Variants in SV2C observed in about 807,000 individuals in gnomAD.
SV2C encodes the protein synaptic vesicle glycoprotein 2C, also known as solute carrier family 22 member B3.
A neutral mutation model predicts 79.7 loss-of-function variants in SV2C; 49 were observed. That is an observed-to-expected ratio of 0.61 (90% CI 0.49 to 0.78). The LOEUF is 0.78. Ranked by LOEUF, SV2C falls within the 30% of genes least tolerant of loss-of-function variation. The pLI is 0.00. For synonymous variants in SV2C, 334 were observed against 333.2 expected (o/e 1.00, Z -0.03); for missense variants, 833 against 912.9 (o/e 0.91, Z 1.13).
intron 6 of SV2C, among the ~76,000 whole-genome samples, chr5:76,289,914 G>C (rs963794810): frequency 5.9e-5 from 9 of 152,148 alleles, no homozygotes; most frequent in African/African-American, 1.9e-4. Flanking sequence ...ATCCCCATTA[G>C]AGTACTTTTT....
chr5:76,098,021 T>A (rs780172337), intron 1 of SV2C, among the ~76,000 whole-genome samples: 2 of 152,168 alleles, frequency 1.3e-5, no homozygotes, highest in African/African-American at 4.8e-5. Flanking sequence ...CTGAGTTTTT[T>A]ACTGTGCAGC....
chr5:76,062,286 G>T, the SV2C span, among the ~76,000 whole-genome samples: 1 of 152,086 alleles, frequency 6.6e-6, no homozygotes, highest in East Asian at 1.9e-4. Context: ...ACATCATGAA[G>T]GTAGAGCCCT....
intron 4 of SV2C, among the ~76,000 whole-genome samples, chr5:76,275,952 G>A (rs770150849): frequency 3.7e-4 from 57 of 152,298 alleles, no homozygotes; most frequent in Non-Finnish European, 6.5e-4. Flanking sequence ...AAGACAAAAA[G>A]GTGTGGTGCC....
At chr5:76,255,384 C>T (rs6862529) in intron 4 of SV2C, among the ~76,000 whole-genome samples, 67,079 of 152,028 alleles carry the variant, frequency 0.44, 15,113 homozygotes, top group Middle Eastern at 0.54. Flanking sequence ...AGACCATCTT[C>T]CCATGTCACC....
In SV2C at chr5:76,301,405, G is replaced by A. The variant is rs764934852; in HGVS notation, c.1860G>A (p.Ser620=). Residue 620 remains serine, a synonymous_variant, in exon 12 of 13, where the codon TCG becomes TCA. Coordinates refer to ENST00000502798, the MANE Select transcript of SV2C (RefSeq NM_014979.4). ...LTMLGGSMVL[S]GISCFFLWFG... ...TGGCAGGTGGCTCTATGGTGCTTTC[G>A]GGGATCAGCTGTTTCTTCCTTTGGT... 19 of 1,613,796 alleles carry A rather than the reference G, an allele frequency of 1.2e-5. No homozygotes were observed. Among genetic ancestry groups the A allele is most frequent in the Non-Finnish European group, 1.5e-5 (18 of 1,179,970 alleles).
chr5:76,234,059 T>C (rs1745531997), intron 4 of SV2C, among the ~76,000 whole-genome samples: 1 of 152,208 alleles, frequency 6.6e-6, no homozygotes, highest in Non-Finnish European at 1.5e-5. Flanking sequence ...TATATAATTA[T>C]TTTAAACAAA....
At chr5:75,988,966 C>A in the SV2C span, among the ~76,000 whole-genome samples, 14 of 151,910 alleles carry the variant, frequency 9.2e-5, no homozygotes, top group African/African-American at 3.4e-4. Flanking sequence ...CCCATAGTTT[C>A]CTGCCCTTAG....
chr5:76,228,950 C>T (rs1044651800), intron 4 of SV2C, among the ~76,000 whole-genome samples: 2 of 152,148 alleles, frequency 1.3e-5, no homozygotes, highest in Non-Finnish European at 2.9e-5. Flanking sequence ...GTTTTCCATT[C>T]CATTGGGCTG....
chr5:76,300,543 G>A (rs1747953214), intron 10 of SV2C, among the ~76,000 whole-genome samples, 186 bp from the exon 11 acceptor site: 2 of 152,062 alleles, frequency 1.3e-5, no homozygotes, highest in South Asian at 4.2e-4. Flanking sequence ...CCTACTTTAT[G>A]ATGTGAAGAC....
intron 1 of SV2C, among the ~76,000 whole-genome samples, chr5:76,117,121 T>C (rs1199932104): frequency 1.3e-5 from 2 of 152,196 alleles, no homozygotes; most frequent in East Asian, 1.9e-4. Flanking sequence ...TGAGTTGCTC[T>C]CCATGAATCC....
chr5:75,895,245 A>G, the SV2C span, among the ~76,000 whole-genome samples: 2 of 152,130 alleles, frequency 1.3e-5, no homozygotes, highest in African/African-American at 4.8e-5. Flanking sequence ...CCAACAAAAA[A>G]TTATATAACA....
intron 12 of SV2C, among the ~76,000 whole-genome samples, chr5:76,350,247 C>T (rs1221499080): frequency 6.6e-6 from 1 of 152,178 alleles, no homozygotes; most frequent in Non-Finnish European, 1.5e-5. Context: ...TATGAGATTT[C>T]CTGTCTGTCT....
intron 2 of SV2C, among the ~76,000 whole-genome samples, chr5:76,148,679 C>T (rs1317849013): frequency 6.6e-6 from 1 of 152,132 alleles, no homozygotes; most frequent in Non-Finnish European, 1.5e-5. Context: ...GTCTTGAACT[C>T]CTGGGCTCAA....
intron 1 of SV2C, among the ~76,000 whole-genome samples, chr5:76,101,763 A>G (rs1747748320): frequency 6.6e-6 from 1 of 152,202 alleles, no homozygotes; most frequent in African/African-American, 2.4e-5. Context: ...TAGAGGTAAA[A>G]TAGAATATAT....
intron 12 of SV2C, among the ~76,000 whole-genome samples, chr5:76,307,438 G>A (rs2112536515): frequency 6.6e-6 from 1 of 151,960 alleles, no homozygotes; most frequent in Middle Eastern, 3.4e-3. Context: ...GGGTTGGCCG[G>A]AATCACCTGT....
chr5:76,195,146 T>C (rs779620246), intron 3 of SV2C, 47 bp downstream of exon 3: 5 of 1,583,254 alleles, frequency 3.2e-6, no homozygotes, highest in East Asian at 4.5e-5. Flanking sequence ...TTATTCTTCA[T>C]AATTCTCCAC....
chr5:75,876,334 T>A, the SV2C span, among the ~76,000 whole-genome samples: 1 of 152,038 alleles, frequency 6.6e-6, no homozygotes. Flanking sequence ...AACCAACTAC[T>A]GCATGTTCTC....
chr5:76,286,455 T>A (rs954409322), intron 6 of SV2C, among the ~76,000 whole-genome samples: 2 of 152,204 alleles, frequency 1.3e-5, no homozygotes, highest in African/African-American at 4.8e-5. Context: ...TAGAGAGGTA[T>A]GCCTCTGTTA....
intron 4 of SV2C, among the ~76,000 whole-genome samples, chr5:76,250,209 T>A (rs554519877): frequency 5.9e-5 from 9 of 152,232 alleles, no homozygotes; most frequent in East Asian, 1.9e-4. Flanking sequence ...CTGCTTTTTT[T>A]AAAATATGAT....
Sources: allele counts gnomAD v4.1 joint callset (sites outside exome capture counted in the v4.1 genomes callset), GRCh38; gene constraint gnomAD v4.1.1; transcripts MANE v1.5; gene names NCBI Gene and HGNC (gene_info 2026-07-23, HGNC 2026-07-21).